ZNF385D: variants seen among roughly 807,000 people sequenced by gnomAD.
ZNF385D encodes zinc finger protein 385D.
A neutral mutation model predicts 35.8 loss-of-function variants in ZNF385D; 15 were observed. That is an observed-to-expected ratio of 0.42 (90% CI 0.28 to 0.64). The LOEUF is 0.64. Among genes scored for constraint, ZNF385D ranks in the 30% least tolerant of loss-of-function variants. ZNF385D has a pLI of 0.23. For missense variants in ZNF385D, 474 were observed against 494.6 expected, an observed-to-expected ratio of 0.96 and a Z score of 0.39; for synonymous variants, 212 against 186.8, an observed-to-expected ratio of 1.13 and a Z score of -1.10.
At chr3:22,297,592 G>A (rs1281424292) in intron 2 of ZNF385D, among the ~76,000 whole-genome samples, 6 of 152,166 alleles carry the variant, frequency 3.9e-5, no homozygotes, top group Admixed American at 1.3e-4. Context: ...TAGGCAATAT[G>A]GGGGAATGAA....
intron 2 of ZNF385D, among the ~76,000 whole-genome samples, chr3:22,356,511 C>T (rs17011245): frequency 0.056 from 8,575 of 151,880 alleles, 715 homozygotes; most frequent in African/African-American, 0.19. Context: ...TAGAAACTTC[C>T]GTCTGAATGA....
intron 3 of ZNF385D, among the ~76,000 whole-genome samples, chr3:21,836,071 G>A (rs1349369821): frequency 6.6e-6 from 1 of 152,032 alleles, no homozygotes; most frequent in South Asian, 2.1e-4. Context: ...TAGGTACACT[G>A]TTACAATAAC....
chr3:22,037,227 A>G (rs1698382778), intron 3 of ZNF385D, among the ~76,000 whole-genome samples: 1 of 145,564 alleles, frequency 6.9e-6, no homozygotes, highest in Admixed American at 7.1e-5. Context: ...GTATATACCC[A>G]GGAATGGGAT....
At chr3:21,524,835 CTATA>C (rs1242894104) in intron 3 of ZNF385D, among the ~76,000 whole-genome samples, 1 of 152,120 alleles carries the variant, frequency 6.6e-6, no homozygotes, top group Non-Finnish European at 1.5e-5. Context: ...CAAGGGCTGA[CTATA>C]TATAAAAGAG....
chr3:21,472,088 TC>T (rs1002592312), intron 4 of ZNF385D, among the ~76,000 whole-genome samples: 6 of 152,160 alleles, frequency 3.9e-5, no homozygotes, highest in Non-Finnish European at 8.8e-5. Context: ...CAATAAATTC[TC>T]AAACTCAACT....
At chr3:21,885,740 C>CTGTGTGTGTGTGTGTG (rs3074769) in intron 3 of ZNF385D, among the ~76,000 whole-genome samples, 52 of 101,256 alleles carry the variant, frequency 5.1e-4, no homozygotes, top group African/African-American at 1.2e-3. Context: ...GTGTCTGTGT[C>CTGTGTGTGTGTGTGTG]TGTGTGTGTG....
At chr3:21,891,138 A>T (rs1286381338) in intron 3 of ZNF385D, among the ~76,000 whole-genome samples, 1 of 152,192 alleles carries the variant, frequency 6.6e-6, no homozygotes. Context: ...TTATGAAAAT[A>T]AAAGGATAGA....
At chr3:21,719,452 A>G (rs1262779970) in intron 1 of ZNF385D, among the ~76,000 whole-genome samples, 1 of 152,244 alleles carries the variant, frequency 6.6e-6, no homozygotes, top group Non-Finnish European at 1.5e-5. Flanking sequence ...ACTCAAGCAA[A>G]GGTATCTCCA....
At chr3:22,109,909 A>G (rs1702421526) in intron 3 of ZNF385D, among the ~76,000 whole-genome samples, 2 of 152,198 alleles carry the variant, frequency 1.3e-5, no homozygotes, top group Non-Finnish European at 2.9e-5. Flanking sequence ...TCTGACAAAT[A>G]TCCAGAATCT....
At chr3:22,061,300 A>C (rs1322478313) in intron 3 of ZNF385D, among the ~76,000 whole-genome samples, 1 of 152,084 alleles carries the variant, frequency 6.6e-6, no homozygotes, top group East Asian at 1.9e-4. Flanking sequence ...CTTTGGGTTT[A>C]TTCCTTATTC....
At chr3:21,733,748 T>G (rs2069120195) in intron 1 of ZNF385D, among the ~76,000 whole-genome samples, 1 of 152,172 alleles carries the variant, frequency 6.6e-6, no homozygotes, top group African/African-American at 2.4e-5. Flanking sequence ...TTGTTCAATC[T>G]GCAATTTATT....
intron 3 of ZNF385D, among the ~76,000 whole-genome samples, chr3:21,812,310 T>A (rs1575695742): frequency 6.6e-6 from 1 of 152,366 alleles, no homozygotes; most frequent in East Asian, 1.9e-4. Flanking sequence ...GATTTCTGAA[T>A]TTCCAACTGA....
chr3:22,155,570 T>C (rs1037078898), intron 3 of ZNF385D, among the ~76,000 whole-genome samples: 3 of 152,080 alleles, frequency 2.0e-5, no homozygotes, highest in Admixed American at 2.0e-4. Flanking sequence ...ATTATGATCA[T>C]AAATTACTAT....
chr3:21,981,782 G>T (rs937709814), intron 3 of ZNF385D, among the ~76,000 whole-genome samples: 1 of 152,050 alleles, frequency 6.6e-6, no homozygotes, highest in Non-Finnish European at 1.5e-5. Context: ...TCTGCTTATG[G>T]CTAGTCAGTT....
chr3:21,625,986 CCA>C (rs1201465170), intron 2 of ZNF385D, among the ~76,000 whole-genome samples: 1 of 151,946 alleles, frequency 6.6e-6, no homozygotes, highest in Non-Finnish European at 1.5e-5. Flanking sequence ...CTTTGTATCT[CCA>C]CTTAATTTTC....
intron 3 of ZNF385D, among the ~76,000 whole-genome samples, chr3:22,000,722 G>T (rs1025445993): frequency 6.6e-6 from 1 of 151,424 alleles, no homozygotes; most frequent in South Asian, 2.1e-4. Flanking sequence ...AACCTTACAG[G>T]CCAGGAGAGA....
At chr3:22,180,737 G>C (rs146495935) in intron 2 of ZNF385D, among the ~76,000 whole-genome samples, 4,279 of 151,898 alleles carry the variant, frequency 0.028, 202 homozygotes, top group African/African-American at 0.097. Context: ...ATTCAACAAC[G>C]CTTCATGCTA....
intron 1 of ZNF385D, among the ~76,000 whole-genome samples, chr3:21,681,298 T>TAAAAAAAAAAAAAAAAAAAAAC (rs2066894089): frequency 1.6e-5 from 1 of 64,486 alleles, no homozygotes; most frequent in Non-Finnish European, 2.8e-5. Context: ...ATTCCATCAG[T>TAAAAAAAAAAAAAAAAAAAAAC]AAAAAAAAAA....
At chr3:22,208,483 G>A (rs1476142759) in intron 2 of ZNF385D, among the ~76,000 whole-genome samples, 1 of 151,686 alleles carries the variant, frequency 6.6e-6, no homozygotes, top group East Asian at 1.9e-4. Context: ...AACCGAGTTG[G>A]TTAATGGGTA....
Sources: gnomAD v4.1 joint callset for allele counts (sites outside exome capture counted in the v4.1 genomes callset) on GRCh38, gnomAD v4.1.1 for gene constraint, MANE v1.5 for transcripts, NCBI Gene and HGNC (gene_info 2026-07-23, HGNC 2026-07-21) for gene names.